Variants in EIF4G3 observed in about 807,000 individuals in gnomAD.
EIF4G3 encodes the protein eIF-4-gamma 3.
Under a neutral mutation model 186.4 loss-of-function variants are expected in EIF4G3, and 34 were observed. The ratio of observed to expected loss-of-function variants is 0.18; its 90% CI spans 0.14 to 0.24. The LOEUF is 0.24. EIF4G3 is among the 10% of genes least tolerant of loss of function. The pLI is 1.00. For synonymous variants in EIF4G3, 673 were observed against 679.5 expected, an observed-to-expected ratio of 0.99 and a Z score of 0.15; for missense variants, 1,536 against 1,948.5, an observed-to-expected ratio of 0.79 and a Z score of 3.99.
chr1:21,092,634 A>C (rs2096243753), intron 2 of EIF4G3, among the ~76,000 whole-genome samples: 1 of 152,176 alleles, frequency 6.6e-6, no homozygotes, highest in African/African-American at 2.4e-5. Flanking sequence ...AAGGGCCCGC[A>C]CTGCCAATAC....
intron 12 of EIF4G3, among the ~76,000 whole-genome samples, chr1:20,968,268 C>T (rs1171499738): frequency 6.6e-6 from 1 of 151,880 alleles, no homozygotes; most frequent in Non-Finnish European, 1.5e-5. Flanking sequence ...CAGCCTCCGT[C>T]TCCTGGGTTC....
intron 8 of EIF4G3, among the ~76,000 whole-genome samples, chr1:20,981,476 G>C (rs1341356168): frequency 1.3e-5 from 2 of 151,546 alleles, no homozygotes; most frequent in Non-Finnish European, 2.9e-5. Flanking sequence ...ATATACGTAT[G>C]TATATATGCA....
At chr1:21,041,630 T>C (rs1203007199) in intron 4 of EIF4G3, among the ~76,000 whole-genome samples, 1 of 152,216 alleles carries the variant, frequency 6.6e-6, no homozygotes, top group African/African-American at 2.4e-5. Context: ...TACTTGAAAC[T>C]GGAGAAACAC....
chr1:20,922,268 A>C (rs1410735301), intron 14 of EIF4G3, among the ~76,000 whole-genome samples: 1 of 152,156 alleles, frequency 6.6e-6, no homozygotes, highest in Admixed American at 6.5e-5. Flanking sequence ...ACGTAAATTC[A>C]CTTGCATGAG....
At chr1:20,883,081 C>CA (rs397862225) in intron 19 of EIF4G3, among the ~76,000 whole-genome samples, 3,933 of 100,934 alleles carry the variant, frequency 0.039, 142 homozygotes, top group African/African-American at 0.12. Flanking sequence ...AACCCTGTCT[C>CA]AAAAAAAAAA....
chr1:20,961,847 A>G (rs2154564703), intron 12 of EIF4G3, among the ~76,000 whole-genome samples: 1 of 152,362 alleles, frequency 6.6e-6, no homozygotes, highest in Middle Eastern at 3.4e-3. Context: ...TTCATTAAAG[A>G]TAAAGAAAAA....
intron 20 of EIF4G3, 137 bp downstream of exon 20, chr1:20,879,186 A>G (rs1350157668): frequency 1.7e-6 from 1 of 597,896 alleles, no homozygotes; most frequent in African/African-American, 1.9e-5. Flanking sequence ...TTTAATAATG[A>G]GAATATTATA....
rs1267402059 is a variant in EIF4G3 at position 20,864,633 on chromosome 1, T to C, written c.2849A>G (p.Lys950Arg). 1.2e-6 allele frequency: 2 copies of C among 1,614,192 alleles called. No homozygotes were observed. The highest frequency in any genetic ancestry group is 1.7e-6 in the Non-Finnish European group (2 of 1,180,026). Reference sequence around the variant, plus strand: ...GAGTTTAAAGAGTTCTCCAATAAACTTGATGTTGCCAATGGATCTCCGCCG... The same window carrying C: ...GAGTTTAAAGAGTTCTCCAATAAACCTGATGTTGCCAATGGATCTCCGCCG... ...KARRRSIGNI[K>R]FIGELFKLKM... The change falls in exon 22 of 37, where the codon AAG becomes AGG. Residue 950 changes from lysine (K) to arginine (R), a missense_variant. Lys to Arg is a conservative substitution (Grantham distance 26). This residue lies in a region of EIF4G3 where 77 missense variants were observed against 131.6 expected (regional missense o/e 0.59). Coordinates refer to ENST00000602326, the MANE Select transcript of EIF4G3 (RefSeq NM_001391906.1).
At chr1:20,891,518 A>T (rs1329431699) in intron 18 of EIF4G3, among the ~76,000 whole-genome samples, 1 of 152,004 alleles carries the variant, frequency 6.6e-6, no homozygotes, top group Non-Finnish European at 1.5e-5. Context: ...CACGCCTGTC[A>T]TCCCAGCACT....
chr1:21,085,876 T>C (rs1260690004), intron 3 of EIF4G3, among the ~76,000 whole-genome samples: 1 of 152,056 alleles, frequency 6.6e-6, no homozygotes, highest in African/African-American at 2.4e-5. Flanking sequence ...GTATTTTTAG[T>C]AGAGATGGGG....
chr1:21,176,593 TCCGCCGCCGCCGCCGC>T, intron 1 of EIF4G3, 113 bp downstream of exon 1: 1 of 153,514 alleles, frequency 6.5e-6, no homozygotes, highest in Non-Finnish European at 1.3e-5. Flanking sequence ...CGCCGCCGCC[TCCGCCGCCGCCGCCGC>T]CGGCAGCAGC....
Position 20,849,413 on chromosome 1 carries a change from A to T in EIF4G3, c.3888+2T>A. 1 of 1,472,898 alleles carries T rather than the reference A, an allele frequency of 6.8e-7. No homozygotes were observed. The highest frequency in any genetic ancestry group is 9.2e-7 in the Non-Finnish European group (1 of 1,089,266). 91.2% of individuals were successfully genotyped at this position (1,472,898 alleles called of 1,614,324 possible). A position where few individuals can be genotyped will look rare whatever the true frequency, so the allele number is the denominator to read the frequency against. On this transcript the variant is annotated splice_donor_variant, in intron 29 of 36. Coordinates refer to ENST00000602326, the MANE Select transcript of EIF4G3 (RefSeq NM_001391906.1). LOFTEE classifies it high-confidence loss of function. ...GTGTGTTTTTTTTTTAATCTCATTT[A>T]CCTTAAAATCATTAATGTGTAGAAA...
intron 2 of EIF4G3, among the ~76,000 whole-genome samples, chr1:21,151,327 C>G (rs1239601503): frequency 7.0e-6 from 1 of 142,700 alleles, no homozygotes; most frequent in Non-Finnish European, 1.5e-5. Context: ...CAAGCTCTGC[C>G]TCCCGGGTTC....
At chr1:21,149,897 C>A (rs970056849) in intron 2 of EIF4G3, among the ~76,000 whole-genome samples, 4 of 152,234 alleles carry the variant, frequency 2.6e-5, no homozygotes, top group Non-Finnish European at 5.9e-5. Flanking sequence ...AGCCTTGCTG[C>A]TTTCTGAAAA....
chr1:20,941,105 T>C (rs1397579213), intron 14 of EIF4G3: 1 of 974,060 alleles, frequency 1.0e-6, no homozygotes, highest in East Asian at 3.2e-5. Context: ...GGTTTTAAAA[T>C]TCTAGGAAGA....
chr1:21,055,077 T>C (rs1291268517), intron 3 of EIF4G3, among the ~76,000 whole-genome samples: 1 of 152,180 alleles, frequency 6.6e-6, no homozygotes, highest in African/African-American at 2.4e-5. Flanking sequence ...CAAGGAAATT[T>C]TTCAAAGGAG....
chr1:20,950,903 T>C (rs2096184340), intron 12 of EIF4G3, among the ~76,000 whole-genome samples: 1 of 152,184 alleles, frequency 6.6e-6, no homozygotes, highest in African/African-American at 2.4e-5. Flanking sequence ...CTACATCACA[T>C]TCTAGGCAGG....
At chr1:20,945,760 C>T (rs912256696) in intron 13 of EIF4G3, among the ~76,000 whole-genome samples, 14 of 152,242 alleles carry the variant, frequency 9.2e-5, no homozygotes, top group Non-Finnish European at 1.0e-4. Context: ...GCTTAGATTA[C>T]AGGCGTGAGC....
At chr1:21,040,888 G>A (rs972842212) in intron 4 of EIF4G3, among the ~76,000 whole-genome samples, 1 of 152,124 alleles carries the variant, frequency 6.6e-6, no homozygotes, top group Non-Finnish European at 1.5e-5. Context: ...ATAGACTGCT[G>A]AGTGTTCAAA....
Sources: gnomAD v4.1 joint callset for allele counts (sites outside exome capture counted in the v4.1 genomes callset) on GRCh38, gnomAD v4.1.1 for gene constraint, gnomAD v4.1.1 regional missense constraint, MANE v1.5 for transcripts, NCBI Gene and HGNC (gene_info 2026-07-23, HGNC 2026-07-21) for gene names.